Variants in TAGLN2 observed in about 807,000 individuals in gnomAD.
TAGLN2 encodes transgelin-2.
A neutral mutation model predicts 24.9 loss-of-function variants in TAGLN2; 14 were observed. That is an observed-to-expected ratio of 0.56 (90% CI 0.37 to 0.88). TAGLN2 has a LOEUF of 0.88. Ranked by LOEUF, TAGLN2 falls within the 40% of genes least tolerant of loss-of-function variation. The pLI is 0.00. For synonymous variants in TAGLN2, 77 were observed against 98.2 expected, an observed-to-expected ratio of 0.78 and a Z score of 1.28; for missense variants, 208 against 258.9, an observed-to-expected ratio of 0.80 and a Z score of 1.35.
chr1:159,922,840 A>G (rs368970993), intron 1 of TAGLN2, among the ~76,000 whole-genome samples: 1 of 152,242 alleles, frequency 6.6e-6, no homozygotes, highest in Non-Finnish European at 1.5e-5. Flanking sequence ...TTGGCCTCCC[A>G]GACCCACCAC....
rs752210434 is a variant in TAGLN2 at position 159,919,804 on chromosome 1, G to C, written c.212C>G (p.Pro71Arg). The stretch of plus-strand genomic sequence containing the variant: ...CTTCTTTACTGGGGCCTGCCCCTCG[G>C]GGTACAGTGCATTAATGAGCTCACA... The part of the protein sequence containing the change: ...VLCELINALY[P>R]EGQAPVKKIQ... The change falls in exon 3 of 5, where the codon CCC becomes CGC. Residue 71 changes from proline (P) to arginine (R), a missense_variant. Coordinates refer to ENST00000368097, the MANE Select transcript of TAGLN2 (RefSeq NM_003564.3). 2 of 1,614,012 alleles carry C rather than the reference G, an allele frequency of 1.2e-6. No individual in the cohort carries two copies. Among genetic ancestry groups the C allele is most frequent in the African/African-American group, 2.7e-5 (2 of 74,892 alleles).
intron 1 of TAGLN2, among the ~76,000 whole-genome samples, chr1:159,922,927 C>T (rs964537344): frequency 3.3e-5 from 5 of 152,244 alleles, no homozygotes; most frequent in African/African-American, 1.2e-4. Flanking sequence ...AGGGTCACGG[C>T]CTCCAGCTGC....
intron 1 of TAGLN2, 101 bp downstream of exon 1, chr1:159,925,349 C>G (rs1314665990): frequency 6.6e-6 from 1 of 152,230 alleles, no homozygotes; most frequent in Non-Finnish European, 1.5e-5. Flanking sequence ...TGGTACCAGC[C>G]CTTGATCCCC....
chr1:159,920,842 G>C (rs1650506966), intron 1 of TAGLN2, among the ~76,000 whole-genome samples: 1 of 152,038 alleles, frequency 6.6e-6, no homozygotes, highest in Admixed American at 6.6e-5. Flanking sequence ...GATTTTAATT[G>C]AGCACCTACT....
intron 1 of TAGLN2, chr1:159,923,707 C>G: frequency 1.0e-5 from 4 of 398,886 alleles, no homozygotes; most frequent in South Asian, 1.4e-4. Context: ...TAGGGCAGCC[C>G]CTCACCACCG....
intron 1 of TAGLN2, among the ~76,000 whole-genome samples, chr1:159,920,909 C>G (rs1332249205): frequency 6.6e-6 from 1 of 152,154 alleles, no homozygotes; most frequent in Admixed American, 6.5e-5. Context: ...CAAGTGCCCA[C>G]AGTGCCATCA....
intron 4 of TAGLN2, 38 bp from the exon 5 acceptor site, chr1:159,918,979 G>A (rs1238839454): frequency 1.9e-6 from 3 of 1,611,854 alleles, no homozygotes; most frequent in African/African-American, 2.7e-5. Flanking sequence ...GGAGATCACA[G>A]GCTGCCCTAG....
chr1:159,922,407 G>A (rs1036456035), intron 1 of TAGLN2, among the ~76,000 whole-genome samples: 12 of 152,122 alleles, frequency 7.9e-5, no homozygotes, highest in Admixed American at 3.3e-4. Flanking sequence ...TCTGGGCCCC[G>A]ACCCACAGCG....
chr1:159,925,160 AG>A (rs1287879050), intron 1 of TAGLN2: 4 of 152,262 alleles, frequency 2.6e-5, no homozygotes, highest in South Asian at 4.1e-4. Flanking sequence ...CGCCCCAGTG[AG>A]GACTCAGCGA....
rs1650485324 is a variant in TAGLN2, at chr1:159,920,254, G to C, written c.180+76C>G. 3.7e-6 allele frequency: 6 copies of C among 1,610,142 alleles called. No individual in the cohort carries two copies. In the East Asian group the frequency reaches 1.3e-4, roughly 36 times the overall value. On this transcript the variant is annotated intron_variant, in intron 2 of 4. Transcript: ENST00000368097. ...TGTGCCTTCAGTCTTCTCCTCTTCAGGTTAAACAATCCCCAGTCCACTGGA... is the reference window on the plus strand; with the variant it reads ...TGTGCCTTCAGTCTTCTCCTCTTCACGTTAAACAATCCCCAGTCCACTGGA...
intron 4 of TAGLN2, 50 bp downstream of exon 4, chr1:159,919,224 G>T: frequency 6.5e-7 from 1 of 1,548,026 alleles, no homozygotes; most frequent in Non-Finnish European, 8.9e-7. Context: ...ACAGGATTGG[G>T]CAGAAACAAT....
In TAGLN2 at chr1:159,923,708, C is replaced by G; in HGVS notation, c.-29+1742G>C. On this transcript the variant is annotated intron_variant, in intron 1 of 4. Coordinates refer to ENST00000368097, the MANE Select transcript of TAGLN2 (RefSeq NM_003564.3). ...TAAGGGAACCACCGTAGGGCAGCCC[C>G]TCACCACCGAGAGTCAGGAGCAGAA... is the stretch of plus-strand genomic sequence containing the variant. The G allele has an allele frequency of 1.2e-5, 5 of 401,534 alleles. No individual in the cohort carries two copies. The South Asian group carries it at 2.1e-4, about 17-fold the overall frequency. 24.9% of individuals were successfully genotyped at this position (401,534 alleles called of 1,614,324 possible). A position where few individuals can be genotyped will look rare whatever the true frequency, so the allele number is the denominator to read the frequency against.
chr1:159,920,598 T>A, intron 1 of TAGLN2, 61 bp from the exon 2 acceptor site: 1 of 1,549,598 alleles, frequency 6.5e-7, no homozygotes, highest in South Asian at 1.2e-5. Context: ...AGTGGGGAAT[T>A]CAGGAATTCT....
At position 159,919,733 on chromosome 1, in the gene TAGLN2, G is replaced by A. The variant is rs1650464629; in HGVS notation, c.283C>T (p.Gln95Ter). The A allele has an allele frequency of 1.2e-6, 2 of 1,613,936 alleles. No individual in the cohort carries two copies. The highest frequency in any genetic ancestry group is 1.7e-6 in the Non-Finnish European group (2 of 1,179,942). ...MAFKQMEQIS[Q>*]FLQAAERYGI... ...TAGCGCTCAGCTGCTTGCAGGAACT[G>A]AGAGATCTGCTCCATCTGCTTGAAG... The change falls in exon 3 of 5, where the codon CAG becomes TAG. Residue 95 changes from glutamine to a stop codon, truncating the protein, a stop_gained. Transcript: ENST00000368097. LOFTEE classifies it high-confidence loss of function.
chr1:159,920,958 C>T (rs1001755834), intron 1 of TAGLN2, among the ~76,000 whole-genome samples: 1 of 152,174 alleles, frequency 6.6e-6, no homozygotes, highest in Non-Finnish European at 1.5e-5. Context: ...GTAAGGATTG[C>T]ACACAAAGAA....
chr1:159,923,710 C>T (rs1650610534), intron 1 of TAGLN2: 1 of 398,016 alleles, frequency 2.5e-6, no homozygotes, highest in Non-Finnish European at 4.4e-6. Flanking sequence ...GGCAGCCCCT[C>T]ACCACCGAGA....
At position 159,919,592 on chromosome 1, in the gene TAGLN2, T is replaced by C. The variant is rs773972642; in HGVS notation, c.355+69A>G. The C allele has an allele frequency of 2.0e-5, 32 of 1,573,864 alleles. No homozygotes were observed. In the Admixed American group the frequency reaches 3.6e-4, roughly 18 times the overall value. On this transcript the variant is annotated intron_variant, in intron 3 of 4. Transcript: ENST00000368097. ...GAGCCAGAAAACAGCCCCTTCTGCC[T>C]GGTCAAGAGGGCCCAGCCCAATCTC...
intron 1 of TAGLN2, among the ~76,000 whole-genome samples, chr1:159,923,924 C>A (rs1650618445): frequency 6.6e-6 from 1 of 152,130 alleles, no homozygotes; most frequent in Non-Finnish European, 1.5e-5. Flanking sequence ...GAAGTGGGAT[C>A]GTCTCAGCAG....
chr1:159,919,162 G>A, intron 4 of TAGLN2, 112 bp downstream of exon 4: 1 of 1,300,154 alleles, frequency 7.7e-7, no homozygotes, highest in East Asian at 2.3e-5. Context: ...GGAATTTTCT[G>A]AAAGTGCTTT....
Sources: gnomAD v4.1 joint callset for allele counts (sites outside exome capture counted in the v4.1 genomes callset) on GRCh38, gnomAD v4.1.1 for gene constraint, MANE v1.5 for transcripts, NCBI Gene and HGNC (gene_info 2026-07-23, HGNC 2026-07-21) for gene names.